SHBG: variants seen among roughly 807,000 people sequenced by gnomAD.
The protein encoded by SHBG is sex hormone binding globulin, also known as sex hormone-binding globulin.
SHBG carries 37 observed loss-of-function variants against 41.9 expected under a neutral mutation model. The observed-to-expected ratio is 0.88, with a 90% confidence interval of 0.68 to 1.16. SHBG has a LOEUF of 1.16. Ranked by LOEUF, SHBG falls within the 50% of genes most tolerant of loss-of-function variation. SHBG has a pLI of 0.00. For synonymous variants in SHBG, 217 were observed against 205.8 expected (o/e 1.05, Z -0.47); for missense variants, 466 against 499.9 (o/e 0.93, Z 0.65).
Position 7,633,004 on chromosome 17 carries a change from C to T in SHBG, c.1060+45C>T, listed in dbSNP as rs183590434. ...AAGTTCATGAGCACAACATTGGAAA[C>T]AGCTCAAGGGAGGCGGCACATTTTG... On this transcript the variant is annotated intron_variant, in intron 7 of 7. Coordinates refer to ENST00000380450, the MANE Select transcript of SHBG (RefSeq NM_001040.5). 1.8e-5 allele frequency: 28 copies of T among 1,560,782 alleles called. No homozygotes were observed. In the Admixed American group the frequency reaches 3.1e-4, roughly 17 times the overall value.
At chr17:7,615,248 A>T (rs988212898) in intron 1 of SHBG, among the ~76,000 whole-genome samples, 3 of 151,552 alleles carry the variant, frequency 2.0e-5, no homozygotes, top group Non-Finnish European at 4.4e-5. Context: ...CGCTGGCCCC[A>T]CCGGGCTTGG....
chr17:7,620,457 C>T (rs149913928), intron 1 of SHBG, among the ~76,000 whole-genome samples: 85 of 152,252 alleles, frequency 5.6e-4, no homozygotes, highest in African/African-American at 1.9e-3. Context: ...GCTTGGATTA[C>T]AGCCGTTTGC....
At chr17:7,614,186 C>A (rs538446789) in intron 1 of SHBG, 6 of 664,888 alleles carry the variant, frequency 9.0e-6, no homozygotes, top group African/African-American at 8.9e-5. Flanking sequence ...GAGCGGGGAG[C>A]GCCAAGCCAG....
chr17:7,623,833 C>T (rs2072142169), upstream of SHBG, among the ~76,000 whole-genome samples: 3 of 152,074 alleles, frequency 2.0e-5, no homozygotes, highest in Admixed American at 1.3e-4. Flanking sequence ...ACAAACGTGA[C>T]TCACTTCAGC....
At chr17:7,619,374 G>A (rs1469594600) in intron 1 of SHBG, among the ~76,000 whole-genome samples, 27 of 148,770 alleles carry the variant, frequency 1.8e-4, no homozygotes, top group Non-Finnish European at 6.0e-5. Flanking sequence ...TGGGCATTAA[G>A]GGTGAAACTC....
intron 1 of SHBG, among the ~76,000 whole-genome samples, chr17:7,621,423 C>T (rs2072093450): frequency 8.3e-6 from 1 of 120,774 alleles, no homozygotes; most frequent in Admixed American, 8.1e-5. Flanking sequence ...ATGGTGAAAA[C>T]CCATCTCTAC....
upstream of SHBG, chr17:7,626,908 T>C (rs1341237181): frequency 6.3e-7 from 1 of 1,598,010 alleles, no homozygotes; most frequent in South Asian, 1.1e-5. Flanking sequence ...GTGGGGTGCT[T>C]TGCTCCCACC....
In SHBG at chr17:7,631,378, G is replaced by T; in HGVS notation, c.555+17G>T. 1 of 1,610,830 alleles carries T rather than the reference G, an allele frequency of 6.2e-7. No individual in the cohort carries two copies. The highest frequency in any genetic ancestry group is 8.5e-7 in the Non-Finnish European group (1 of 1,178,814). Reference sequence around the variant, plus strand: ...CGGTTGCCGGTAACTACACCCCAGGGGTGGAACCCTAGCCAAGACTTGGTA... The same window carrying T: ...CGGTTGCCGGTAACTACACCCCAGGTGTGGAACCCTAGCCAAGACTTGGTA... On this transcript the variant is annotated intron_variant, in intron 4 of 7. Coordinates refer to ENST00000380450, the MANE Select transcript of SHBG (RefSeq NM_001040.5).
At chr17:7,617,553 A>G (rs1342621524) in intron 1 of SHBG, among the ~76,000 whole-genome samples, 1 of 152,140 alleles carries the variant, frequency 6.6e-6, no homozygotes, top group African/African-American at 2.4e-5. Context: ...CAGTGAGCCA[A>G]GATTGTGCCA....
upstream of SHBG, chr17:7,626,872 G>A (rs541954221): frequency 6.2e-7 from 1 of 1,603,796 alleles, no homozygotes; most frequent in African/African-American, 1.3e-5. Context: ...GCTGGGCTCT[G>A]GGGACAGGGG....
In SHBG at chr17:7,633,219, C is replaced by G. The variant is rs755817032; in HGVS notation, c.1076C>G (p.Thr359Ser). ...LGALPGEDSS[T>S]SFCLNGLWAQ... ...CTCCCTCTAGGAGAAGACTCTTCCA[C>G]CTCTTTTTGCCTGAATGGCCTTTGG... Residue 359 changes from threonine to serine, a missense_variant, in exon 8 of 8, where the codon ACC (threonine) becomes AGC (serine). By Grantham distance (58) the Thr-to-Ser change is moderately conservative (BLOSUM62 1). Coordinates refer to ENST00000380450, the MANE Select transcript of SHBG (RefSeq NM_001040.5). 6.2e-7 allele frequency: 1 copy of G among 1,614,144 alleles called. No individual in the cohort carries two copies. The highest frequency in any genetic ancestry group is 8.5e-7 in the Non-Finnish European group (1 of 1,180,032).
chr17:7,615,927 T>C (rs752503117), intron 1 of SHBG, among the ~76,000 whole-genome samples: 2 of 151,982 alleles, frequency 1.3e-5, no homozygotes, highest in African/African-American at 4.8e-5. Flanking sequence ...CCCAGCACTT[T>C]AGGAGGCTCA....
chr17:7,622,011 T>C (rs1157628592), intron 1 of SHBG, among the ~76,000 whole-genome samples: 1 of 150,324 alleles, frequency 6.7e-6, no homozygotes, highest in Non-Finnish European at 1.5e-5. Context: ...TAATTTTTTT[T>C]TTTTTTTGTA....
Position 7,630,699 on chromosome 17 carries a change from G to A in SHBG, c.223G>A (p.Val75Ile), listed in dbSNP as rs778795456. ...TTCCAGAACCTCCTCCTCCTTTGAG[G>A]TTCGAACCTGGGACCCAGAGGGAGT... Reference protein sequence around the residue: ...KITKTSSSFEVRTWDPEGVIF... With the variant: ...KITKTSSSFEIRTWDPEGVIF... Residue 75 changes from valine (V) to isoleucine (I), a missense_variant, in exon 3 of 8, where the codon GTT becomes ATT. Physicochemically the swap from Val to Ile is conservative, Grantham distance 29. Coordinates refer to ENST00000380450, the MANE Select transcript of SHBG (RefSeq NM_001040.5). This position sits in a 1 kb window ranked among gnomAD's most constrained non-coding sequence, Gnocchi z 4.6. 1.9e-6 allele frequency: 3 copies of A among 1,614,030 alleles called. No individual in the cohort carries two copies. The highest frequency in any genetic ancestry group is 2.5e-6 in the Non-Finnish European group (3 of 1,179,992).
At chr17:7,629,401 TAA>T (rs2072327896), upstream of SHBG, among the ~76,000 whole-genome samples, 1 of 151,496 alleles carries the variant, frequency 6.6e-6, no homozygotes, top group African/African-American at 2.4e-5. Context: ...TAAAATAAAA[TAA>T]AATAAAATAA....
chr17:7,626,962 A>G (rs1267779498), upstream of SHBG: 3 of 1,613,856 alleles, frequency 1.9e-6, no homozygotes, highest in African/African-American at 2.7e-5. Flanking sequence ...CCGGCATCAC[A>G]TAGATATCCT....
chr17:7,632,117 G>A, intron 6 of SHBG, 102 bp downstream of exon 6: 3 of 1,250,776 alleles, frequency 2.4e-6, no homozygotes, highest in Non-Finnish European at 2.3e-6. Flanking sequence ...TTCCAGCCCA[G>A]GGAACATAAC....
upstream of SHBG, chr17:7,627,922 G>A (rs1406019904): frequency 1.8e-6 from 1 of 569,356 alleles, no homozygotes; most frequent in East Asian, 3.5e-5. This position sits in a 1 kb window ranked among gnomAD's most constrained non-coding sequence, Gnocchi z 4.8. Flanking sequence ...TTGGAGAACA[G>A]GCACGGCCGC....
Position 7,630,703 on chromosome 17 carries a change from G to A in SHBG, c.227G>A (p.Arg76Gln), listed in dbSNP as rs1183237310. The stretch of plus-strand genomic sequence containing the variant: ...AGAACCTCCTCCTCCTTTGAGGTTC[G>A]AACCTGGGACCCAGAGGGAGTGATT... Reference protein sequence around the residue: ...ITKTSSSFEVRTWDPEGVIFY... With the variant: ...ITKTSSSFEVQTWDPEGVIFY... The change falls in exon 3 of 8, where the codon CGA (arginine) becomes CAA (glutamine). Residue 76 changes from arginine to glutamine, a missense_variant. Transcript: ENST00000380450. This position sits in a 1 kb window ranked among gnomAD's most constrained non-coding sequence, Gnocchi z 4.6. 8 of 1,613,964 alleles carry A rather than the reference G, an allele frequency of 5.0e-6. No individual in the cohort carries two copies. The highest frequency in any genetic ancestry group is 1.1e-5 in the South Asian group (1 of 91,068).
Sources: gnomAD v4.1 joint callset for allele counts (sites outside exome capture counted in the v4.1 genomes callset) on GRCh38, gnomAD v4.1.1 for gene constraint, Gnocchi (gnomAD v3.1) non-coding constraint, MANE v1.5 for transcripts, NCBI Gene and HGNC (gene_info 2026-07-23, HGNC 2026-07-21) for gene names.